TSPAN15: variants seen among roughly 807,000 people sequenced by gnomAD.
TSPAN15 encodes tetraspanin-15.
Under a neutral mutation model 34.5 loss-of-function variants are expected in TSPAN15, and 20 were observed. The ratio of observed to expected loss-of-function variants is 0.58; its 90% confidence interval spans 0.41 to 0.84. TSPAN15 has a LOEUF of 0.84. Among genes scored for constraint, TSPAN15 ranks in the 40% least tolerant of loss-of-function variants. TSPAN15 has a pLI of 0.00. For missense variants in TSPAN15, 313 were observed against 386.1 expected (o/e 0.81, Z 1.59); for synonymous variants, 155 against 153.9 (o/e 1.01, Z -0.05).
At chr10:69,483,961 T>C in intron 2 of TSPAN15, 85 bp downstream of exon 2, 1 of 1,450,382 alleles carries the variant, frequency 6.9e-7, no homozygotes, top group East Asian at 2.3e-5. Context: ...GCTCAGTTTC[T>C]TTTGTCCCTG....
chr10:69,474,710 G>C (rs536967457), intron 1 of TSPAN15, among the ~76,000 whole-genome samples: 2 of 152,170 alleles, frequency 1.3e-5, no homozygotes, highest in African/African-American at 4.8e-5. Context: ...CCCCACTCCA[G>C]CCCACCCCAC....
the TSPAN15 span, among the ~76,000 whole-genome samples, chr10:69,519,049 A>C: frequency 0.6 from 91,422 of 151,640 alleles, 27,981 homozygotes; most frequent in African/African-American, 0.68. Context: ...GTATACAGCT[A>C]TTTAAATGAA....
At chr10:69,508,261 T>C (rs1456249615), downstream of TSPAN15, among the ~76,000 whole-genome samples, 1 of 150,476 alleles carries the variant, frequency 6.6e-6, no homozygotes, top group African/African-American at 2.4e-5. Context: ...ACCAACATAG[T>C]GAAACCCCAT....
At position 69,495,701 on chromosome 10, in the gene TSPAN15, G is replaced by A. The variant is rs186896674; in HGVS notation, c.453+12G>A. 1.6e-5 allele frequency: 25 copies of A among 1,603,866 alleles called. No homozygotes were observed. The highest frequency in any genetic ancestry group is 1.7e-4 in the Middle Eastern group (1 of 6,034). ...TTGTTCAGAAAAAGGTGAGCCAGGCGCTTTGGGGTAGAGATGCGCCTCCCG... is the reference window on the plus strand; with the variant it reads ...TTGTTCAGAAAAAGGTGAGCCAGGCACTTTGGGGTAGAGATGCGCCTCCCG... On this transcript the variant is annotated intron_variant, in intron 4 of 7. Transcript: ENST00000373290.
At chr10:69,491,253 G>A (rs980344272) in intron 3 of TSPAN15, among the ~76,000 whole-genome samples, 7 of 152,192 alleles carry the variant, frequency 4.6e-5, no homozygotes, top group Non-Finnish European at 8.8e-5. Context: ...GCTAGGGTCC[G>A]GGGGCAATGA....
intron 4 of TSPAN15, among the ~76,000 whole-genome samples, chr10:69,496,645 A>G (rs1842091629): frequency 6.6e-6 from 1 of 152,150 alleles, no homozygotes; most frequent in Non-Finnish European, 1.5e-5. Flanking sequence ...CCGGGACAGC[A>G]CTTCCTGGGA....
At chr10:69,519,130 C>T in the TSPAN15 span, among the ~76,000 whole-genome samples, 1 of 152,170 alleles carries the variant, frequency 6.6e-6, no homozygotes, top group East Asian at 1.9e-4. Context: ...CATAGTGATA[C>T]GTAGGGCTGG....
the TSPAN15 span, among the ~76,000 whole-genome samples, chr10:69,526,721 T>C: frequency 1.5e-5 from 2 of 135,146 alleles, no homozygotes; most frequent in African/African-American, 5.6e-5. Context: ...GACTGGGAGG[T>C]TGAGGCTGCT....
intron 2 of TSPAN15, among the ~76,000 whole-genome samples, chr10:69,484,472 G>A (rs748277): frequency 0.073 from 11,161 of 152,290 alleles, 1,332 homozygotes; most frequent in African/African-American, 0.25. Context: ...TTATTGTGGG[G>A]TGAGGGATGA....
chr10:69,474,758 A>G (rs576997538), intron 1 of TSPAN15, among the ~76,000 whole-genome samples: 2 of 152,240 alleles, frequency 1.3e-5, no homozygotes, highest in South Asian at 2.1e-4. Flanking sequence ...GCCCATACCC[A>G]GAATTCCAGT....
intron 1 of TSPAN15, among the ~76,000 whole-genome samples, chr10:69,454,384 G>A (rs1175560554): frequency 1.3e-5 from 2 of 152,116 alleles, no homozygotes; most frequent in Non-Finnish European, 2.9e-5. Flanking sequence ...CAGGCGTGGT[G>A]GTGTGTGCCT....
At chr10:69,495,416 A>G (rs1027801733) in intron 3 of TSPAN15, 178 bp from the exon 4 acceptor site, 17 of 590,910 alleles carry the variant, frequency 2.9e-5, no homozygotes, top group African/African-American at 2.8e-4. Flanking sequence ...CACGGGGAGG[A>G]TGTGTGGGTA....
At chr10:69,456,201 C>T (rs989938308) in intron 1 of TSPAN15, among the ~76,000 whole-genome samples, 16 of 151,936 alleles carry the variant, frequency 1.1e-4, no homozygotes, top group African/African-American at 3.9e-4. Flanking sequence ...GATTCTCCTG[C>T]CTCAGCCTCC....
chr10:69,512,760 C>T, the TSPAN15 span, among the ~76,000 whole-genome samples: 2,911 of 152,302 alleles, frequency 0.019, 100 homozygotes, highest in African/African-American at 0.067. Context: ...TAGCATATAT[C>T]AGAAGTTCAT....
chr10:69,510,519 A>C (rs1842403866), downstream of TSPAN15, among the ~76,000 whole-genome samples: 1 of 152,242 alleles, frequency 6.6e-6, no homozygotes, highest in Non-Finnish European at 1.5e-5. Flanking sequence ...TGTCATCTGC[A>C]AACAGAGACA....
At chr10:69,531,876 A>G in the TSPAN15 span, among the ~76,000 whole-genome samples, 1 of 152,026 alleles carries the variant, frequency 6.6e-6, no homozygotes, top group African/African-American at 2.4e-5. Context: ...AAAGCCACCT[A>G]TGACAAATCA....
chr10:69,484,746 G>T, intron 2 of TSPAN15, among the ~76,000 whole-genome samples: 1 of 152,178 alleles, frequency 6.6e-6, no homozygotes, highest in Non-Finnish European at 1.5e-5. Flanking sequence ...ACATCTGAGG[G>T]CTCTCTGTGG....
At chr10:69,486,279 G>T (rs954489136) in intron 3 of TSPAN15, among the ~76,000 whole-genome samples, 36 of 152,158 alleles carry the variant, frequency 2.4e-4, no homozygotes, top group African/African-American at 8.2e-4. Flanking sequence ...CATAGGTGGG[G>T]CTTGAGGAGC....
intron 1 of TSPAN15, 69 bp from the exon 2 acceptor site, chr10:69,483,622 A>G (rs1456334639): frequency 5.9e-6 from 9 of 1,518,430 alleles, no homozygotes; most frequent in Non-Finnish European, 8.1e-6. Context: ...CCACAGCCCC[A>G]GATGACTCTT....
Sources: allele counts gnomAD v4.1 joint callset (sites outside exome capture counted in the v4.1 genomes callset), GRCh38; gene constraint gnomAD v4.1.1; transcripts MANE v1.5; gene names NCBI Gene and HGNC (gene_info 2026-07-23, HGNC 2026-07-21).